Variants in STXBP5L observed in about 807,000 individuals in gnomAD.
The protein encoded by STXBP5L is syntaxin binding protein 5L, also known as syntaxin-binding protein 5-like.
A neutral mutation model predicts 144.5 loss-of-function variants in STXBP5L; 65 were observed. The ratio of observed to expected loss-of-function variants is 0.45; its 90% CI spans 0.37 to 0.55. The LOEUF is 0.55. Among genes scored for constraint, STXBP5L ranks in the 20% least tolerant of loss-of-function variants. The pLI is 0.00. For missense variants in STXBP5L, 1,298 were observed against 1,405.5 expected (o/e 0.92, Z 1.22); for synonymous variants, 505 against 469.6 (o/e 1.08, Z -0.97).
At chr3:121,052,020 G>C (rs914026656) in intron 5 of STXBP5L, among the ~76,000 whole-genome samples, 1 of 152,160 alleles carries the variant, frequency 6.6e-6, no homozygotes. Flanking sequence ...ACCCTCCCAA[G>C]ACTAAACCAG....
At chr3:121,283,456 G>A (rs564032105) in intron 19 of STXBP5L, among the ~76,000 whole-genome samples, 22 of 152,032 alleles carry the variant, frequency 1.4e-4, no homozygotes, top group African/African-American at 4.6e-4. Context: ...TGCTGTGTGC[G>A]AGAATATTGG....
intron 2 of STXBP5L, among the ~76,000 whole-genome samples, chr3:120,924,217 A>G (rs1709495113): frequency 2.0e-5 from 3 of 152,154 alleles, no homozygotes; most frequent in African/African-American, 7.2e-5. Flanking sequence ...GCATTGTTTC[A>G]CAGTACAATT....
At chr3:121,142,405 A>T (rs1215564360) in intron 7 of STXBP5L, among the ~76,000 whole-genome samples, 2 of 151,982 alleles carry the variant, frequency 1.3e-5, no homozygotes, top group African/African-American at 4.8e-5. Context: ...GACCAAATGG[A>T]CTTAACATAT....
intron 5 of STXBP5L, among the ~76,000 whole-genome samples, chr3:121,066,206 A>C (rs1457262550): frequency 1.3e-5 from 2 of 152,174 alleles, no homozygotes; most frequent in African/African-American, 4.8e-5. Flanking sequence ...GTACTGACTA[A>C]AATGGAAAAG....
intron 3 of STXBP5L, among the ~76,000 whole-genome samples, chr3:121,025,965 T>C (rs1945903400): frequency 8.8e-6 from 1 of 113,428 alleles, no homozygotes; most frequent in South Asian, 2.7e-4. Context: ...TAATGTATAA[T>C]ATATTAATGT....
At chr3:121,221,380 A>G (rs2048968893) in intron 10 of STXBP5L, among the ~76,000 whole-genome samples, 1 of 151,840 alleles carries the variant, frequency 6.6e-6, no homozygotes, top group South Asian at 2.1e-4. Flanking sequence ...TGCTTGGATT[A>G]GTATTAGGGG....
At chr3:121,030,745 G>A (rs1326080265) in intron 3 of STXBP5L, among the ~76,000 whole-genome samples, 1 of 152,080 alleles carries the variant, frequency 6.6e-6, no homozygotes, top group African/African-American at 2.4e-5. Flanking sequence ...TCTCAGTGTA[G>A]GGCTCAGCCA....
intron 7 of STXBP5L, among the ~76,000 whole-genome samples, chr3:121,151,829 TGGC>T (rs34629030): frequency 0.22 from 32,895 of 151,896 alleles, 3,785 homozygotes; most frequent in Non-Finnish European, 0.26. Flanking sequence ...GTTATCAGTA[TGGC>T]TAGCATTGTT....
chr3:121,312,896 A>G (rs902809788), intron 19 of STXBP5L, among the ~76,000 whole-genome samples: 1 of 152,094 alleles, frequency 6.6e-6, no homozygotes, highest in Non-Finnish European at 1.5e-5. Context: ...CGATTTCTCA[A>G]TTCTTTCCCC....
chr3:120,960,762 G>A (rs993272097), intron 3 of STXBP5L, among the ~76,000 whole-genome samples: 1 of 152,094 alleles, frequency 6.6e-6, no homozygotes, highest in African/African-American at 2.4e-5. Flanking sequence ...GCCTGTTGTG[G>A]GGTGGGGGCA....
At chr3:121,126,885 TTGTC>T (rs1375497846) in intron 7 of STXBP5L, among the ~76,000 whole-genome samples, 15 of 152,310 alleles carry the variant, frequency 9.8e-5, no homozygotes, top group African/African-American at 2.9e-4. Flanking sequence ...TGCAGCCCCT[TTGTC>T]TATCTTCAAA....
At chr3:121,209,503 T>C (rs947737905) in intron 10 of STXBP5L, among the ~76,000 whole-genome samples, 2 of 152,192 alleles carry the variant, frequency 1.3e-5, no homozygotes, top group Admixed American at 6.5e-5. Context: ...TACATATGTA[T>C]ACATGTGCCA....
At chr3:121,373,419 C>A (rs2046090327) in intron 20 of STXBP5L, among the ~76,000 whole-genome samples, 1 of 152,194 alleles carries the variant, frequency 6.6e-6, no homozygotes, top group Non-Finnish European at 1.5e-5. Context: ...CGTGCTGGGA[C>A]CTCTGGGACC....
chr3:121,208,155 A>T (rs974774422), intron 10 of STXBP5L, among the ~76,000 whole-genome samples: 1 of 152,056 alleles, frequency 6.6e-6, no homozygotes, highest in African/African-American at 2.4e-5. Flanking sequence ...ATGCAGTCAT[A>T]AAAAAGGATG....
At chr3:121,261,821 T>C (rs2050391145) in intron 18 of STXBP5L, among the ~76,000 whole-genome samples, 1 of 152,184 alleles carries the variant, frequency 6.6e-6, no homozygotes, top group Non-Finnish European at 1.5e-5. Context: ...AGAGACTTTG[T>C]CTTTGAGGAA....
intron 18 of STXBP5L, among the ~76,000 whole-genome samples, chr3:121,261,628 G>A (rs141901387): frequency 1.5e-3 from 223 of 152,270 alleles, no homozygotes; most frequent in African/African-American, 5.1e-3. Flanking sequence ...AATCAGTGTA[G>A]TTCATCACAT....
At chr3:121,211,267 A>G (rs1293488954) in intron 10 of STXBP5L, among the ~76,000 whole-genome samples, 5 of 152,110 alleles carry the variant, frequency 3.3e-5, no homozygotes, top group Non-Finnish European at 7.3e-5. Context: ...TGATTTTTGA[A>G]CGTTGATTTT....
In STXBP5L at chr3:121,010,126, T is replaced by C. The variant is rs141915715; in HGVS notation, c.288-31574T>C. 3.8e-4 allele frequency among the ~76,000 whole-genome samples: 58 copies of C among 152,022 alleles called. No homozygotes were observed. The East Asian group carries it at 6.0e-3, about 16-fold the overall frequency. ...TGGAGAACTCAGACCTATTAATTAA[T>C]TGGGCATATGGGGGGCCATGATAGT... is the stretch of plus-strand genomic sequence containing the variant. On this transcript the variant is annotated intron_variant, in intron 3 of 26. Transcript: ENST00000471454.
chr3:121,361,851 G>A (rs1333394101), intron 20 of STXBP5L, among the ~76,000 whole-genome samples: 1 of 152,106 alleles, frequency 6.6e-6, no homozygotes, highest in East Asian at 1.9e-4. Flanking sequence ...GTTGATGCTA[G>A]TAGATGTTCT....
Sources: allele counts gnomAD v4.1 joint callset (sites outside exome capture counted in the v4.1 genomes callset), GRCh38; gene constraint gnomAD v4.1.1; transcripts MANE v1.5; gene names NCBI Gene and HGNC (gene_info 2026-07-23, HGNC 2026-07-21).